Variants in PAPPA observed in about 807,000 individuals in gnomAD.
PAPPA encodes the protein pappalysin-1.
PAPPA carries 60 observed loss-of-function variants against 164.0 expected under a neutral mutation model. That is an observed-to-expected ratio of 0.37 (90% confidence interval 0.30 to 0.45). PAPPA has a LOEUF of 0.45. PAPPA is among the 20% of genes least tolerant of loss of function. PAPPA has a pLI of 1.00. For synonymous variants in PAPPA, 875 were observed against 814.1 expected, an observed-to-expected ratio of 1.07 and a Z score of -1.27; for missense variants, 1,782 against 2,087.3, an observed-to-expected ratio of 0.85 and a Z score of 2.85.
intron 19 of PAPPA, among the ~76,000 whole-genome samples, chr9:116,370,227 G>C (rs1340615680): frequency 6.6e-6 from 1 of 152,118 alleles, no homozygotes; most frequent in Non-Finnish European, 1.5e-5. Context: ...CAGGCACTGG[G>C]TCAGGCACTT....
intron 9 of PAPPA, among the ~76,000 whole-genome samples, chr9:116,287,979 T>C (rs1226036976): frequency 6.6e-6 from 1 of 152,196 alleles, no homozygotes; most frequent in African/African-American, 2.4e-5. Flanking sequence ...CTTGGAACTT[T>C]TCGTGAACAT....
chr9:116,288,099 G>A (rs551064853), intron 9 of PAPPA, among the ~76,000 whole-genome samples: 31 of 152,174 alleles, frequency 2.0e-4, no homozygotes, highest in Non-Finnish European at 3.8e-4. Context: ...GGCCAGGCGC[G>A]ATGGCTTACA....
intron 6 of PAPPA, among the ~76,000 whole-genome samples, chr9:116,233,888 AG>A (rs1304149833): frequency 2.0e-5 from 3 of 152,046 alleles, no homozygotes; most frequent in African/African-American, 7.2e-5. Flanking sequence ...CTGAGGCTGA[AG>A]AAAAAAAAAG....
chr9:116,170,214 C>A (rs1286432166), intron 1 of PAPPA, among the ~76,000 whole-genome samples: 2 of 152,122 alleles, frequency 1.3e-5, no homozygotes, highest in Non-Finnish European at 2.9e-5. Flanking sequence ...TTGTTCCCAG[C>A]TCTAAAATAT....
intron 2 of PAPPA, among the ~76,000 whole-genome samples, chr9:116,199,648 C>T (rs928758050): frequency 6.6e-6 from 1 of 152,106 alleles, no homozygotes; most frequent in Non-Finnish European, 1.5e-5. Flanking sequence ...TCTCCATTGC[C>T]TAGTATACAA....
At chr9:116,230,034 C>T (rs911897210) in intron 6 of PAPPA, among the ~76,000 whole-genome samples, 1 of 152,184 alleles carries the variant, frequency 6.6e-6, no homozygotes, top group Non-Finnish European at 1.5e-5. Context: ...TCCTGACCTT[C>T]TTAAAGCATG....
intron 7 of PAPPA, among the ~76,000 whole-genome samples, chr9:116,243,652 A>T (rs1038322010): frequency 3.3e-5 from 5 of 152,206 alleles, no homozygotes; most frequent in African/African-American, 1.2e-4. Context: ...GGAGAAAATG[A>T]ATACTAAAAT....
intron 7 of PAPPA, among the ~76,000 whole-genome samples, chr9:116,237,323 C>T (rs901876142): frequency 6.6e-6 from 1 of 152,138 alleles, no homozygotes; most frequent in Non-Finnish European, 1.5e-5. Context: ...GATAGTCTTG[C>T]CTTAAAAATA....
intron 17 of PAPPA, among the ~76,000 whole-genome samples, chr9:116,354,283 A>T (rs1303873244): frequency 6.6e-6 from 1 of 152,236 alleles, no homozygotes; most frequent in African/African-American, 2.4e-5. Context: ...GTAACTGAGA[A>T]CAAGTCCAAC....
chr9:116,243,716 C>CA (rs796648627), intron 7 of PAPPA, among the ~76,000 whole-genome samples: 45 of 152,126 alleles, frequency 3.0e-4, no homozygotes, highest in African/African-American at 1.1e-3. Flanking sequence ...GAGGAGAAAG[C>CA]AAAATTTTTT....
chr9:116,381,134 CTAATCTGGCCTCTTTA>C (rs1029326071), intron 20 of PAPPA, among the ~76,000 whole-genome samples: 2 of 152,126 alleles, frequency 1.3e-5, no homozygotes, highest in African/African-American at 4.8e-5. Flanking sequence ...AATCAATGGA[CTAATCTGGCCTCTTTA>C]TTTCATTAGT....
intron 7 of PAPPA, among the ~76,000 whole-genome samples, chr9:116,237,211 G>A (rs1195570373): frequency 6.6e-6 from 1 of 152,184 alleles, no homozygotes; most frequent in Non-Finnish European, 1.5e-5. Flanking sequence ...CACATCACAG[G>A]CAAACTCTTG....
intron 9 of PAPPA, among the ~76,000 whole-genome samples, chr9:116,282,171 G>T (rs1431344767): frequency 6.6e-6 from 1 of 152,108 alleles, no homozygotes; most frequent in Non-Finnish European, 1.5e-5. Flanking sequence ...ATATAAAATG[G>T]AGTAGTATTT....
chr9:116,313,021 T>C (rs1176170088), intron 10 of PAPPA, among the ~76,000 whole-genome samples: 3 of 145,762 alleles, frequency 2.1e-5, no homozygotes, highest in Non-Finnish European at 4.4e-5. Context: ...AGGCAGAGCT[T>C]GCAGTGAGCG....
rs1317847364 is a variant in PAPPA, at chr9:116,347,779, T to G, written c.3964+570T>G. ...AGATATGGACAGGAAGCATCTGGCA[T>G]CCTCCTGAGCTAGGCACCAGGGCTA... On this transcript the variant is annotated intron_variant, in intron 15 of 21. Coordinates refer to ENST00000328252, the MANE Select transcript of PAPPA (RefSeq NM_002581.5). The surrounding 1 kb of genome is among the most constrained non-coding windows in gnomAD (Gnocchi z 4.5). Among the ~76,000 whole-genome samples the G allele has an allele frequency of 6.6e-6, 1 of 152,090 alleles. No homozygotes were observed. Among genetic ancestry groups the G allele is most frequent in the African/African-American group, 2.4e-5 (1 of 41,392 alleles).
At chr9:116,254,502 G>A (rs562608635) in intron 7 of PAPPA, among the ~76,000 whole-genome samples, 1 of 152,214 alleles carries the variant, frequency 6.6e-6, no homozygotes, top group East Asian at 1.9e-4. Flanking sequence ...TACTGAAAGG[G>A]CCGGGCGCGG....
chr9:116,276,271 G>A (rs1321775770), intron 9 of PAPPA, among the ~76,000 whole-genome samples: 1 of 152,194 alleles, frequency 6.6e-6, no homozygotes, highest in East Asian at 1.9e-4. Flanking sequence ...AAATGTGAAG[G>A]GTCCCCAAAA....
At chr9:116,165,761 T>C (rs952963584) in intron 1 of PAPPA, among the ~76,000 whole-genome samples, 1 of 152,220 alleles carries the variant, frequency 6.6e-6, no homozygotes, top group Admixed American at 6.5e-5. Context: ...CAGTGCACCA[T>C]TTTGCAGAAT....
intron 7 of PAPPA, among the ~76,000 whole-genome samples, chr9:116,251,022 A>T (rs1844854354): frequency 6.6e-6 from 1 of 152,166 alleles, no homozygotes; most frequent in Non-Finnish European, 1.5e-5. Flanking sequence ...GAGAGAACAC[A>T]TTTGGCTAAG....
Sources: allele counts gnomAD v4.1 joint callset (sites outside exome capture counted in the v4.1 genomes callset), GRCh38; gene constraint gnomAD v4.1.1; non-coding constraint Gnocchi (gnomAD v3.1); transcripts MANE v1.5; gene names NCBI Gene and HGNC (gene_info 2026-07-23, HGNC 2026-07-21).